SIPA1L3: variants seen among roughly 807,000 people sequenced by gnomAD.
SIPA1L3 encodes signal-induced proliferation-associated 1-like protein 3.
A neutral mutation model predicts 150.1 loss-of-function variants in SIPA1L3; 59 were observed. The observed-to-expected ratio is 0.39, with a 90% confidence interval of 0.32 to 0.49. The LOEUF (loss-of-function observed/expected upper bound fraction) is 0.49. SIPA1L3 is among the 20% of genes least tolerant of loss of function. The pLI is 0.86. For synonymous variants in SIPA1L3, 1,070 were observed against 1,077.6 expected, an observed-to-expected ratio of 0.99 and a Z score of 0.14; for missense variants, 2,211 against 2,489.5, an observed-to-expected ratio of 0.89 and a Z score of 2.38.
At chr19:38,056,729 T>C (rs1162728351) in intron 2 of SIPA1L3, among the ~76,000 whole-genome samples, 2 of 152,140 alleles carry the variant, frequency 1.3e-5, no homozygotes, top group Non-Finnish European at 2.9e-5. Context: ...TGGTTTTTTT[T>C]CCCCCTGATT....
At chr19:37,949,289 C>T (rs1409466777) in intron 1 of SIPA1L3, among the ~76,000 whole-genome samples, 2 of 152,190 alleles carry the variant, frequency 1.3e-5, no homozygotes, top group Non-Finnish European at 2.9e-5. Flanking sequence ...CACAGATGGT[C>T]ACCTCTCATC....
At chr19:38,084,980 T>C (rs1478303990) in intron 3 of SIPA1L3, among the ~76,000 whole-genome samples, 1 of 152,060 alleles carries the variant, frequency 6.6e-6, no homozygotes, top group Non-Finnish European at 1.5e-5. Context: ...GTAATATCCT[T>C]GTCAAACATA....
Position 38,082,459 on chromosome 19 carries a change from C to G in SIPA1L3, c.894C>G (p.Asp298Glu), listed in dbSNP as rs774278546. The change falls in exon 3 of 22, where the codon GAC becomes GAG. Residue 298 changes from aspartate to glutamate, a missense_variant. This residue lies in a region of SIPA1L3 where 587 missense variants were observed against 534.5 expected (regional missense o/e 1.10). Coordinates refer to ENST00000222345, the MANE Select transcript of SIPA1L3 (RefSeq NM_015073.3). The part of the protein sequence containing the change: ...ARGLGGGDTV[D>E]SSIFRKLRSS... Reference sequence around the variant, plus strand: ...GCCTCGGCGGCGGGGACACGGTGGACTCGTCCATCTTTCGGAAGCTAAGGA... The same window carrying G: ...GCCTCGGCGGCGGGGACACGGTGGAGTCGTCCATCTTTCGGAAGCTAAGGA... 8 of 1,589,194 alleles carry G rather than the reference C, an allele frequency of 5.0e-6. No homozygotes were observed. The highest frequency in any genetic ancestry group is 6.8e-6 in the Non-Finnish European group (8 of 1,168,362).
intron 3 of SIPA1L3, among the ~76,000 whole-genome samples, chr19:38,086,174 T>G (rs2145833026): frequency 6.6e-6 from 1 of 152,056 alleles, no homozygotes; most frequent in East Asian, 1.9e-4. Flanking sequence ...GTATATGTAT[T>G]AACTTTGTAC....
At chr19:38,196,463 G>T (rs1407210347) in intron 18 of SIPA1L3, among the ~76,000 whole-genome samples, 1 of 150,738 alleles carries the variant, frequency 6.6e-6, no homozygotes. Flanking sequence ...GGCGGAGTGT[G>T]GAGGTCAAGG....
intron 13 of SIPA1L3, among the ~76,000 whole-genome samples, chr19:38,158,152 G>A (rs937964475): frequency 7.2e-5 from 11 of 152,186 alleles, no homozygotes; most frequent in African/African-American, 2.6e-4. Context: ...AGAATCACTT[G>A]AACCCGGGAG....
At chr19:37,907,709 T>C (rs1474243467) in intron 1 of SIPA1L3, 1 of 152,218 alleles carries the variant, frequency 6.6e-6, no homozygotes, top group African/African-American at 2.4e-5. Context: ...TCTGTTGAGA[T>C]AATATAATAA....
intron 14 of SIPA1L3, among the ~76,000 whole-genome samples, chr19:38,163,633 C>T (rs1276933154): frequency 6.6e-6 from 1 of 152,010 alleles, no homozygotes; most frequent in Non-Finnish European, 1.5e-5. Flanking sequence ...CCACGAAGAT[C>T]TCTCAGGGAA....
chr19:37,916,942 G>A (rs907353641), intron 1 of SIPA1L3, among the ~76,000 whole-genome samples: 1 of 147,610 alleles, frequency 6.8e-6, no homozygotes, highest in African/African-American at 2.5e-5. Flanking sequence ...CTGGGCAACA[G>A]AGTGAGACTC....
intron 1 of SIPA1L3, among the ~76,000 whole-genome samples, chr19:37,955,220 C>T (rs353403): frequency 0.28 from 43,028 of 151,304 alleles, 7,299 homozygotes; most frequent in East Asian, 0.61. Context: ...GGAGAAACCC[C>T]GTCTCTACTA....
chr19:38,201,450 A>G (rs1054701787), intron 19 of SIPA1L3, among the ~76,000 whole-genome samples: 1 of 152,288 alleles, frequency 6.6e-6, no homozygotes, highest in African/African-American at 2.4e-5. Context: ...CGAATTGTAT[A>G]ACGAATCCCC....
intron 10 of SIPA1L3, among the ~76,000 whole-genome samples, chr19:38,134,149 A>T (rs554292977): frequency 1.3e-5 from 2 of 151,630 alleles, no homozygotes; most frequent in African/African-American, 4.8e-5. Context: ...ACACCCAGCT[A>T]ATTTTTGTAT....
intron 1 of SIPA1L3, among the ~76,000 whole-genome samples, chr19:38,002,083 G>C (rs561337078): frequency 2.0e-5 from 3 of 152,146 alleles, no homozygotes; most frequent in African/African-American, 7.2e-5. Context: ...TGTACCTTAC[G>C]TGTGCAGTTC....
intron 1 of SIPA1L3, among the ~76,000 whole-genome samples, chr19:37,955,087 T>TAA (rs1258680326): frequency 1.8e-5 from 1 of 54,964 alleles, no homozygotes; most frequent in African/African-American, 1.1e-4. Flanking sequence ...ATGCTGTCTC[T>TAA]CAAAAAAAAA....
chr19:37,937,302 C>T (rs890598900), intron 1 of SIPA1L3, among the ~76,000 whole-genome samples: 3 of 152,130 alleles, frequency 2.0e-5, no homozygotes, highest in African/African-American at 7.2e-5. Flanking sequence ...CCACTGTTTG[C>T]CCAAGAACTT....
At chr19:38,074,475 G>GGCTGCACTCTGAAGGCTGTTGCACT (rs1969795674) in intron 2 of SIPA1L3, among the ~76,000 whole-genome samples, 1 of 152,226 alleles carries the variant, frequency 6.6e-6, no homozygotes, top group African/African-American at 2.4e-5. Flanking sequence ...TGAAGGCAGA[G>GGCTGCACTCTGAAGGCTGTTGCACT]CCACAACACA....
intron 2 of SIPA1L3, among the ~76,000 whole-genome samples, chr19:38,072,532 G>A (rs1260003727): frequency 6.6e-6 from 1 of 152,194 alleles, no homozygotes; most frequent in African/African-American, 2.4e-5. Context: ...CCATGGTTAC[G>A]AGACAGCTGC....
Position 38,035,766 on chromosome 19 carries a change from G to A in SIPA1L3, c.-311+6610G>A, listed in dbSNP as rs896448078. 2.0e-5 allele frequency among the ~76,000 whole-genome samples: 3 copies of A among 152,232 alleles called. No homozygotes were observed. In the East Asian group the frequency reaches 5.8e-4, roughly 29 times the overall value. On this transcript the variant is annotated intron_variant, in intron 2 of 21. Transcript: ENST00000222345. ...TGGTGGTGGCGGTGGTGGAGGTGGT[G>A]ATGATGATAATGAGGAGGAGGAGGA...
Position 38,193,736 on chromosome 19 carries a change from C to G in SIPA1L3, c.4796C>G (p.Pro1599Arg). The change falls in exon 18 of 22, where the codon CCC becomes CGC. Residue 1599 changes from proline to arginine, a missense_variant. Around this residue, in one of 5 missense-constraint regions of SIPA1L3, gnomAD observed 806 missense variants for 870.1 expected, o/e 0.93. Transcript: ENST00000222345. ...CAGCACCCCCACCCGCCCGTCGGCC[C>G]CGGTGCCACCCCTGCCGCCGGCAGC... ...QHQHPHPPVG[P>R]GATPAAGSGF... 3 of 1,571,060 alleles carry G rather than the reference C, an allele frequency of 1.9e-6. No homozygotes were observed. The highest frequency in any genetic ancestry group is 2.6e-6 in the Non-Finnish European group (3 of 1,167,516).
Sources: gnomAD v4.1 joint callset for allele counts (sites outside exome capture counted in the v4.1 genomes callset) on GRCh38, gnomAD v4.1.1 for gene constraint, gnomAD v4.1.1 regional missense constraint, MANE v1.5 for transcripts, NCBI Gene and HGNC (gene_info 2026-07-23, HGNC 2026-07-21) for gene names.